INSC: variants seen among roughly 807,000 people sequenced by gnomAD.
INSC encodes INSC spindle orientation adaptor protein.
Under a neutral mutation model 58.6 loss-of-function variants are expected in INSC, and 67 were observed. That is an observed-to-expected ratio of 1.14 (90% CI 0.94 to 1.40). The LOEUF (loss-of-function observed/expected upper bound fraction) is 1.40. INSC is among the 40% of genes most tolerant of loss of function. INSC has a pLI of 0.00. For missense variants in INSC, 714 were observed against 692.0 expected, an observed-to-expected ratio of 1.03 and a Z score of -0.36; for synonymous variants, 262 against 276.1, an observed-to-expected ratio of 0.95 and a Z score of 0.51.
chr11:15,112,995 G>A (rs1297468146), upstream of INSC, among the ~76,000 whole-genome samples: 4 of 152,056 alleles, frequency 2.6e-5, no homozygotes, highest in Middle Eastern at 3.2e-3. Flanking sequence ...AAGTAGTAGA[G>A]GCAGGATGCA....
At chr11:15,172,112 A>G (rs978070327) in intron 2 of INSC, among the ~76,000 whole-genome samples, 22 of 152,180 alleles carry the variant, frequency 1.4e-4, no homozygotes, top group Admixed American at 1.4e-3. Flanking sequence ...AGAGACAGAA[A>G]AAGATGCTGG....
In INSC at chr11:15,175,985, G is replaced by A. The variant is rs943981517; in HGVS notation, c.301G>A (p.Ala101Thr). 2.5e-6 allele frequency: 4 copies of A among 1,611,324 alleles called. No homozygotes were observed. Among genetic ancestry groups the A allele is most frequent in the Non-Finnish European group, 3.4e-6 (4 of 1,178,734 alleles). The change falls in exon 3 of 13, where the codon GCA becomes ACA. Residue 101 changes from alanine (A) to threonine (T), a missense_variant. Ala to Thr is a moderately conservative substitution (Grantham distance 58). Transcript: ENST00000379556. ...IGQKLAQDRW[A>T]RVHSMSVRLT... ...GCAGAAGCTGGCCCAGGACCGCTGG[G>A]CACGGGTGCACAGCATGAGCGTGCG...
In INSC at chr11:15,232,745, G is replaced by A. The variant is rs114091340; in HGVS notation, c.1171-2857G>A. Reference sequence around the variant, plus strand: ...AGTGTCATCACAGAAGTTCTTGTAAGAGGGAGGGAAGAGGGTCAGAGTCAG... The same window carrying A: ...AGTGTCATCACAGAAGTTCTTGTAAAAGGGAGGGAAGAGGGTCAGAGTCAG... On this transcript the variant is annotated intron_variant, in intron 9 of 12. Transcript: ENST00000379556. Among the ~76,000 whole-genome samples, 421 of 152,294 alleles carry A rather than the reference G, an allele frequency of 2.8e-3. 3 individuals carry two copies. The highest frequency in any genetic ancestry group is 9.5e-3 in the African/African-American group (393 of 41,560).
At chr11:15,196,798 G>A (rs1311719480) in intron 6 of INSC, among the ~76,000 whole-genome samples, 1 of 152,152 alleles carries the variant, frequency 6.6e-6, no homozygotes, top group Non-Finnish European at 1.5e-5. Flanking sequence ...CTCTGTGGTA[G>A]GCAGGATCTA....
intron 7 of INSC, among the ~76,000 whole-genome samples, chr11:15,218,269 G>GA (rs1015229116): frequency 2.6e-5 from 4 of 152,232 alleles, no homozygotes; most frequent in Admixed American, 6.5e-5. Context: ...TGACTGGAGA[G>GA]AAAAATAAAT....
chr11:15,226,890 G>T (rs1851660766), intron 9 of INSC, among the ~76,000 whole-genome samples: 1 of 152,134 alleles, frequency 6.6e-6, no homozygotes, highest in Non-Finnish European at 1.5e-5. Context: ...GATTTTTTAA[G>T]GCCTCTAGCC....
intron 9 of INSC, among the ~76,000 whole-genome samples, chr11:15,231,477 G>A (rs1156873054): frequency 3.3e-5 from 5 of 152,220 alleles, no homozygotes; most frequent in Non-Finnish European, 7.3e-5. Context: ...ATTCAAAGCT[G>A]TCCTGGGCCA....
intron 9 of INSC, among the ~76,000 whole-genome samples, 171 bp from the exon 10 acceptor site, chr11:15,235,431 G>A (rs1268698045): frequency 6.6e-6 from 1 of 152,200 alleles, no homozygotes; most frequent in Non-Finnish European, 1.5e-5. Flanking sequence ...ACATCTGGGT[G>A]GCAGGAGCCC....
the INSC span, among the ~76,000 whole-genome samples, chr11:15,253,353 G>A: frequency 6.6e-6 from 1 of 152,126 alleles, no homozygotes; most frequent in Non-Finnish European, 1.5e-5. Context: ...CAAAGGCGTT[G>A]AGACACAAAT....
intron 2 of INSC, among the ~76,000 whole-genome samples, chr11:15,173,595 T>C (rs2133817696): frequency 6.6e-6 from 1 of 152,274 alleles, no homozygotes; most frequent in Middle Eastern, 3.4e-3. Flanking sequence ...TCTCTCTCTC[T>C]GTGTGTCTGT....
intron 6 of INSC, 53 bp downstream of exon 6, chr11:15,190,867 G>T: frequency 8.1e-7 from 1 of 1,236,246 alleles, no homozygotes; most frequent in Non-Finnish European, 1.2e-6. Flanking sequence ...GTATGAGGAA[G>T]CTCACTTGTT....
At chr11:15,170,779 CAT>C (rs1849369316) in intron 2 of INSC, among the ~76,000 whole-genome samples, 1 of 152,146 alleles carries the variant, frequency 6.6e-6, no homozygotes, top group African/African-American at 2.4e-5. Context: ...CATATACAGT[CAT>C]CTATTTGCGC....
rs749064678 is a variant in INSC at position 15,235,602 on chromosome 11, A to T, written c.1171A>T (p.Ile391Phe). 1 of 1,613,290 alleles carries T rather than the reference A, an allele frequency of 6.2e-7. No homozygotes were observed. The highest frequency in any genetic ancestry group is 2.2e-5 in the East Asian group (1 of 44,878). ...RVDTPYTRDQIVTILANMSVL... is the reference protein window; with the variant it reads ...RVDTPYTRDQFVTILANMSVL... ...GAGGTTTCTAAATTATCTTTTCCAG[A>T]TTGTGACCATCTTGGCAAACATGTC... The change falls in exon 10 of 13, where the codon ATT becomes TTT. Residue 391 changes from isoleucine to phenylalanine, a missense_variant and splice_region_variant. Coordinates refer to ENST00000379556, the MANE Select transcript of INSC (RefSeq NM_001042536.3).
chr11:15,220,593 G>A (rs1851399833), intron 7 of INSC, among the ~76,000 whole-genome samples: 1 of 152,188 alleles, frequency 6.6e-6, no homozygotes, highest in Admixed American at 6.5e-5. Flanking sequence ...TTGATCTGGG[G>A]CAAGTCAATG....
At chr11:15,125,650 T>C (rs1265294130) in intron 1 of INSC, among the ~76,000 whole-genome samples, 4 of 152,220 alleles carry the variant, frequency 2.6e-5, no homozygotes, top group Non-Finnish European at 2.9e-5. Flanking sequence ...CCCACTTCCA[T>C]GATCTATCCA....
chr11:15,229,988 T>A lies in INSC; in HGVS notation c.1170+4160T>A, dbSNP rs1851828895. 1.0e-4 allele frequency among the ~76,000 whole-genome samples: 3 copies of A among 29,280 alleles called. 1 individual carries two copies. Among genetic ancestry groups the A allele is most frequent in the African/African-American group, 4.4e-4 (3 of 6,840 alleles). The allele number at this position is 29,280 out of a possible 152,430, so 19.2% of individuals were successfully genotyped here. ...TATATATATATATATATTATATATA[T>A]ATATATATATATATATATATATATA... On this transcript the variant is annotated intron_variant, in intron 9 of 12. Transcript: ENST00000379556.
intron 9 of INSC, among the ~76,000 whole-genome samples, chr11:15,231,965 G>A (rs956970968): frequency 1.2e-4 from 19 of 152,150 alleles, no homozygotes; most frequent in African/African-American, 2.7e-4. Flanking sequence ...TTTCTCCTCC[G>A]TGTGTGCTGA....
intron 2 of INSC, among the ~76,000 whole-genome samples, chr11:15,173,754 T>C (rs1390074229): frequency 6.6e-6 from 1 of 152,184 alleles, no homozygotes; most frequent in Non-Finnish European, 1.5e-5. Context: ...TAAAAAGCAA[T>C]TTCCTAAAAG....
At chr11:15,230,006 TATATATAA>T (rs1564917780) in intron 9 of INSC, among the ~76,000 whole-genome samples, 1 of 26,236 alleles carries the variant, frequency 3.8e-5, no homozygotes, top group Non-Finnish European at 6.2e-5. Flanking sequence ...TATATATATA[TATATATAA>T]TATATATATA....
Sources: gnomAD v4.1 joint callset for allele counts (sites outside exome capture counted in the v4.1 genomes callset) on GRCh38, gnomAD v4.1.1 for gene constraint, MANE v1.5 for transcripts, NCBI Gene and HGNC (gene_info 2026-07-23, HGNC 2026-07-21) for gene names.